Variants in MACROD2 observed in about 807,000 individuals in gnomAD.
The protein encoded by MACROD2 is ADP-ribose glycohydrolase MACROD2.
A neutral mutation model predicts 70.4 loss-of-function variants in MACROD2; 36 were observed. The ratio of observed to expected loss-of-function variants is 0.51; its 90% CI spans 0.39 to 0.68. MACROD2 has a LOEUF of 0.68. Ranked by LOEUF, MACROD2 falls within the 30% of genes least tolerant of loss-of-function variation. MACROD2 has a pLI of 0.00. For missense variants in MACROD2, 496 were observed against 538.4 expected (o/e 0.92, Z 0.78); for synonymous variants, 172 against 178.8 (o/e 0.96, Z 0.30).
intron 5 of MACROD2, among the ~76,000 whole-genome samples, chr20:15,227,762 G>A (rs1429232367): frequency 6.9e-6 from 1 of 145,582 alleles, no homozygotes; most frequent in African/African-American, 2.6e-5. Flanking sequence ...AACTCCTTAC[G>A]GCATTTTAAA....
intron 3 of MACROD2, among the ~76,000 whole-genome samples, chr20:14,185,003 A>G (rs936736637): frequency 6.6e-6 from 1 of 152,112 alleles, no homozygotes; most frequent in Admixed American, 6.6e-5. Flanking sequence ...TCACTAGGAT[A>G]TAAGCTTCAT....
In MACROD2 at chr20:14,241,454, G is replaced by A. The variant is rs114374853; in HGVS notation, c.271+155726G>A. 2.8e-3 allele frequency among the ~76,000 whole-genome samples: 427 copies of A among 152,094 alleles called. 5 individuals carry two copies. The highest frequency in any genetic ancestry group is 9.5e-3 in the African/African-American group (393 of 41,502). ...ACCACTGCTGGGAATTCAATGGACC[G>A]TAAACATAGGCACATAACAGACATG... On this transcript the variant is annotated intron_variant, in intron 3 of 17. Transcript: ENST00000684519.
In MACROD2 at chr20:15,027,595, C is replaced by T. The variant is rs193288180; in HGVS notation, c.419-202345C>T. On this transcript the variant is annotated intron_variant, in intron 5 of 17. Coordinates refer to ENST00000684519, the MANE Select transcript of MACROD2 (RefSeq NM_001351661.2). ...TATCTATTTGTGAAAAAAGTTTAGCCTTGGCACAGTGGCTCATGCCTGTAA... is the reference window on the plus strand; with the variant it reads ...TATCTATTTGTGAAAAAAGTTTAGCTTTGGCACAGTGGCTCATGCCTGTAA... Among the ~76,000 whole-genome samples, 393 of 151,740 alleles carry T rather than the reference C, an allele frequency of 2.6e-3. 4 individuals are homozygous for T. Among genetic ancestry groups the T allele is most frequent in the African/African-American group, 9.0e-3 (371 of 41,328 alleles).
chr20:14,258,127 C>T (rs1375004813), intron 3 of MACROD2, among the ~76,000 whole-genome samples: 2 of 152,048 alleles, frequency 1.3e-5, no homozygotes, highest in Non-Finnish European at 2.9e-5. Context: ...TCTTTATCCA[C>T]TCATTGGTTG....
chr20:15,182,324 C>T (rs1207537672), intron 5 of MACROD2, among the ~76,000 whole-genome samples: 1 of 152,064 alleles, frequency 6.6e-6, no homozygotes, highest in Non-Finnish European at 1.5e-5. Flanking sequence ...TTAATGCTGA[C>T]TTTAATCTCC....
At chr20:14,200,991 T>A (rs2081475109) in intron 3 of MACROD2, among the ~76,000 whole-genome samples, 3 of 151,978 alleles carry the variant, frequency 2.0e-5, no homozygotes. Context: ...GACTATTCCT[T>A]TTTACCTATG....
chr20:14,044,027 T>C (rs1301060104), intron 2 of MACROD2, among the ~76,000 whole-genome samples: 2 of 152,180 alleles, frequency 1.3e-5, no homozygotes, highest in African/African-American at 4.8e-5. Flanking sequence ...GTGTCCTGAA[T>C]TGGTGGGTTC....
chr20:15,136,547 T>A (rs2076149544), intron 5 of MACROD2, among the ~76,000 whole-genome samples: 1 of 152,092 alleles, frequency 6.6e-6, no homozygotes, highest in Non-Finnish European at 1.5e-5. Context: ...TTTACACCTT[T>A]TACAAAAATT....
At chr20:15,438,382 G>A (rs1229897217) in intron 7 of MACROD2, among the ~76,000 whole-genome samples, 5 of 152,122 alleles carry the variant, frequency 3.3e-5, no homozygotes, top group African/African-American at 9.7e-5. Flanking sequence ...TCTGACTGGT[G>A]TGAGATGGTA....
At chr20:14,903,134 C>T (rs1052785625) in intron 5 of MACROD2, among the ~76,000 whole-genome samples, 3 of 148,188 alleles carry the variant, frequency 2.0e-5, no homozygotes, top group Non-Finnish European at 4.5e-5. Context: ...CTGTGTCTCC[C>T]GGATTCAAGC....
At chr20:14,595,279 T>TAAAGAC (rs1982051100) in intron 4 of MACROD2, among the ~76,000 whole-genome samples, 1 of 152,030 alleles carries the variant, frequency 6.6e-6, no homozygotes. Context: ...ACGGTGGGGT[T>TAAAGAC]TATTGGACGA....
At chr20:15,175,810 C>A (rs530951036) in intron 5 of MACROD2, among the ~76,000 whole-genome samples, 208 of 152,304 alleles carry the variant, frequency 1.4e-3, no homozygotes, top group African/African-American at 4.7e-3. Flanking sequence ...TGGCTGTGTG[C>A]TCCATAGAGC....
intron 3 of MACROD2, among the ~76,000 whole-genome samples, chr20:14,321,270 C>A (rs1000836667): frequency 1.3e-5 from 2 of 151,942 alleles, no homozygotes; most frequent in Non-Finnish European, 2.9e-5. Flanking sequence ...GAGGCTGAGG[C>A]AGGAGAATCG....
At chr20:15,504,029 C>T (rs571107329) in intron 8 of MACROD2, among the ~76,000 whole-genome samples, 45 of 152,276 alleles carry the variant, frequency 3.0e-4, no homozygotes, top group Admixed American at 5.9e-4. Flanking sequence ...TCACCATTAA[C>T]TTACTCTCTG....
chr20:14,597,793 A>G (rs1330933081), intron 4 of MACROD2, among the ~76,000 whole-genome samples: 1 of 152,142 alleles, frequency 6.6e-6, no homozygotes, highest in Non-Finnish European at 1.5e-5. Context: ...TCAGATTTCC[A>G]AAATATTAAT....
intron 3 of MACROD2, among the ~76,000 whole-genome samples, chr20:14,240,267 A>G (rs1004488561): frequency 1.3e-5 from 2 of 152,204 alleles, no homozygotes; most frequent in South Asian, 2.1e-4. Flanking sequence ...AGCCATTGTG[A>G]AAAGCAGTTT....
chr20:15,294,353 C>T (rs1239193434), intron 6 of MACROD2, among the ~76,000 whole-genome samples: 1 of 152,128 alleles, frequency 6.6e-6, no homozygotes, highest in African/African-American at 2.4e-5. Context: ...TTCCTGTGGG[C>T]ATTCAAACCC....
intron 5 of MACROD2, among the ~76,000 whole-genome samples, chr20:15,211,026 C>G (rs2076759065): frequency 6.6e-6 from 1 of 152,210 alleles, no homozygotes; most frequent in South Asian, 2.1e-4. Context: ...GTACAACTGT[C>G]AACACCACTA....
chr20:15,173,319 A>G (rs180974069), intron 5 of MACROD2, among the ~76,000 whole-genome samples: 1 of 152,160 alleles, frequency 6.6e-6, no homozygotes, highest in Non-Finnish European at 1.5e-5. Flanking sequence ...CACTCACTGT[A>G]TGTTTGCTAA....
Sources: allele counts gnomAD v4.1 joint callset (sites outside exome capture counted in the v4.1 genomes callset), GRCh38; gene constraint gnomAD v4.1.1; transcripts MANE v1.5; gene names NCBI Gene and HGNC (gene_info 2026-07-23, HGNC 2026-07-21).